The following FLNA variants were observed in gnomAD, a reference collection of about 807,000 sequenced individuals.
FLNA encodes filamin A, also known as filamin-A.
Under a neutral mutation model 157.6 loss-of-function variants are expected in FLNA, and 7 were observed. The ratio of observed to expected loss-of-function variants is 0.04; its 90% CI spans 0.03 to 0.08. The LOEUF (loss-of-function observed/expected upper bound fraction) is 0.08, where lower values mean the gene tolerates loss of function less well. Ranked by LOEUF, FLNA falls within the 10% of genes least tolerant of loss-of-function variation. The pLI is 1.00. For missense variants in FLNA, 1,750 were observed against 2,398.4 expected, an observed-to-expected ratio of 0.73 and a Z score of 5.65; for synonymous variants, 1,103 against 1,060.8, an observed-to-expected ratio of 1.04 and a Z score of -0.77.
At chrX:154,358,066 C>A (rs2067676182) in intron 28 of FLNA, 133 bp downstream of exon 28, 1 of 760,785 alleles carries the variant, frequency 1.3e-6, no homozygotes, top group Admixed American at 2.4e-5. Context: ...CCTTAGCAAA[C>A]CAAAGACAGG....
Position 154,353,384 on chromosome X carries a change from C to T in FLNA, c.5934G>A (p.Thr1978=), listed in dbSNP as rs781836633. ...CAGTGGCCGTCAGCAGGCTGAGATCCGTCTCTGAGATGTTGATGGGGATGT... is the reference window on the plus strand; with the variant it reads ...CAGTGGCCGTCAGCAGGCTGAGATCTGTCTCTGAGATGTTGATGGGGATGT... ...AADIPINISE[T]DLSLLTATVV... The change falls in exon 37 of 48, where the codon ACG becomes ACA. Residue 1978 remains threonine (T), a synonymous_variant. Coordinates refer to ENST00000369850, the MANE Select transcript of FLNA (RefSeq NM_001110556.2). 1.3e-5 allele frequency: 16 copies of T among 1,210,579 alleles called. No homozygotes were observed. The highest frequency in any genetic ancestry group is 2.3e-4 in the Middle Eastern group (1 of 4,356).
In FLNA at chrX:154,366,420, C is replaced by G; in HGVS notation, c.1116G>C (p.Val372=). ...CGTCACCCTGTGACTTATCCACGTA[C>G]ACCTCGAAGGGGCTCTTGGCGATGT... ...GQHIAKSPFE[V]YVDKSQGDAS... The change falls in exon 8 of 48, where the codon GTG becomes GTC. Residue 372 remains valine, a synonymous_variant. Transcript: ENST00000369850. 8.3e-7 allele frequency: 1 copy of G among 1,211,876 alleles called. No individual in the cohort carries two copies. The highest frequency in any genetic ancestry group is 1.1e-6 in the Non-Finnish European group (1 of 895,398).
Position 154,366,056 on chromosome X carries a change from G to T in FLNA, c.1397C>A (p.Pro466His). ...VHVTFAGVPI[P>H]RSPYTVTVGQ... is the part of the protein sequence containing the mutation. Reference sequence around the variant, plus strand: ...AACAGTGACAGTGTAGGGGCTGCGAGGGATGGGCACGCCGGCAAACGTGAC... The same window carrying T: ...AACAGTGACAGTGTAGGGGCTGCGATGGATGGGCACGCCGGCAAACGTGAC... Residue 466 changes from proline to histidine, a missense_variant, in exon 9 of 48, where the codon CCT becomes CAT. Around this residue, in one of 5 missense-constraint regions of FLNA, gnomAD observed 648 missense variants for 805.8 expected, o/e 0.80. Coordinates refer to ENST00000369850, the MANE Select transcript of FLNA (RefSeq NM_001110556.2). 8.3e-7 allele frequency: 1 copy of T among 1,209,104 alleles called. No homozygotes were observed.
chrX:154,354,312 G>A, intron 33 of FLNA, 21 bp from the exon 34 acceptor site: 2 of 1,211,847 alleles, frequency 1.7e-6, no homozygotes, highest in Non-Finnish European at 2.2e-6. Flanking sequence ...GTGGGGCTGA[G>A]GTCAGGGCAG....
At position 154,351,974 on chromosome X, in the gene FLNA, T is replaced by C. The variant is rs1004772663; in HGVS notation, c.6817A>G (p.Ile2273Val). ...TREAGAGGLAIAVEGPSKAEI... is the reference protein window; with the variant it reads ...TREAGAGGLAVAVEGPSKAEI... ...GCCTTGCTGGGGCCCTCGACAGCAA[T>C]GGCCAGGCCTCCAGCACCAGCTTCC... Residue 2273 changes from isoleucine (I) to valine (V), a missense_variant, in exon 42 of 48, where the codon ATT (isoleucine) becomes GTT (valine). Physicochemically the swap from Ile to Val is conservative, Grantham distance 29 (BLOSUM62 3). Around this residue, in one of 5 missense-constraint regions of FLNA, gnomAD observed 970 missense variants for 1,302.6 expected, o/e 0.74. Transcript: ENST00000369850. 2 of 1,211,151 alleles carry C rather than the reference T, an allele frequency of 1.7e-6. No homozygotes were observed. Among genetic ancestry groups the C allele is most frequent in the South Asian group, 1.8e-5 (1 of 57,009 alleles).
rs781935178 is a variant in FLNA, at chrX:154,370,997, C to T, written c.249G>A (p.Val83=). ...TGCGGTGCATCTTCTTCTGGCTGAG[C>T]ACCTCCAACAGCGCGATAAGCCGCA... ...DGLRLIALLE[V]LSQKKMHRKH... The change falls in exon 2 of 48, where the codon GTG becomes GTA. Residue 83 remains valine (V), a synonymous_variant. Transcript: ENST00000369850. 2 of 1,210,250 alleles carry T rather than the reference C, an allele frequency of 1.7e-6. No homozygotes were observed. The highest frequency in any genetic ancestry group is 2.2e-6 in the Non-Finnish European group (2 of 894,708).
chrX:154,351,441 A>G (rs1557175745), intron 43 of FLNA, 140 bp downstream of exon 43: 1 of 472,713 alleles, frequency 2.1e-6, no homozygotes, highest in African/African-American at 2.4e-5. Context: ...CGTGGGCTGC[A>G]CCCGGCCAGA....
At position 154,351,035 on chromosome X, in the gene FLNA, C is replaced by A; in HGVS notation, c.7030G>T (p.Gly2344Trp). 8.3e-7 allele frequency: 1 copy of A among 1,211,702 alleles called. No homozygotes were observed. The highest frequency in any genetic ancestry group is 1.1e-6 in the Non-Finnish European group (1 of 895,368). Reference sequence around the variant, plus strand: ...GAGGCTGGCTGGTTGACCTTTAGCCCTGACTCCTGGAAGCACAGCAGACAT... The same window carrying A: ...GAGGCTGGCTGGTTGACCTTTAGCCATGACTCCTGGAAGCACAGCAGACAT... ...RLTVSSLQES[G>W]LKVNQPASFA... The change falls in exon 44 of 48, where the codon GGG becomes TGG. Residue 2344 changes from glycine (G) to tryptophan (W), a missense_variant. By Grantham distance (184) the Gly-to-Trp change is radical. Around this residue, in one of 5 missense-constraint regions of FLNA, gnomAD observed 970 missense variants for 1,302.6 expected, o/e 0.74. Transcript: ENST00000369850.
rs781885051 is a variant in FLNA at position 154,354,466 on chromosome X, C to T, written c.5331G>A (p.Leu1777=). The change falls in exon 33 of 48, where the codon CTG becomes CTA. Residue 1777 remains leucine, a synonymous_variant. Transcript: ENST00000369850. The part of the protein sequence containing the change: ...GQQTWAPERP[L]VGVNGLDVTS... ...TCACATCCAGCCCATTGACACCCACCAGGGGCCTCTCCGGGGCCTGCAGTG... is the reference window on the plus strand; with the variant it reads ...TCACATCCAGCCCATTGACACCCACTAGGGGCCTCTCCGGGGCCTGCAGTG... The T allele has an allele frequency of 1.2e-5, 14 of 1,211,296 alleles. No homozygotes were observed. Among genetic ancestry groups the T allele is most frequent in the Non-Finnish European group, 1.1e-6 (1 of 895,118 alleles).
intron 15 of FLNA, among the ~76,000 whole-genome samples, chrX:154,363,604 C>T (rs1333935440): frequency 5.5e-5 from 6 of 108,276 alleles, no homozygotes; most frequent in Admixed American, 2.0e-4. Flanking sequence ...TCCCAGCTAC[C>T]CGGGAGGCTG....
chrX:154,350,429 T>C, intron 44 of FLNA: 1 of 440,154 alleles, frequency 2.3e-6, no homozygotes, highest in Non-Finnish European at 4.0e-6. Context: ...GGAAATCTTT[T>C]ACAAGCCAAA....
Position 154,354,644 on chromosome X carries a change from G to A in FLNA, c.5285C>T (p.Thr1762Ile). 8.3e-7 allele frequency: 1 copy of A among 1,206,226 alleles called. No homozygotes were observed. The highest frequency in any genetic ancestry group is 1.1e-6 in the Non-Finnish European group (1 of 892,815). The change falls in exon 32 of 48, where the codon ACC becomes ATC. Residue 1762 changes from threonine to isoleucine, a missense_variant. Thr to Ile is a moderately conservative substitution (Grantham distance 89). Coordinates refer to ENST00000369850, the MANE Select transcript of FLNA (RefSeq NM_001110556.2). ...AGTCTGCTGGCCGCCCTGGGCGTAGGTGTACTGTGGGGCCAGCTGCTGAGA... is the reference window on the plus strand; with the variant it reads ...AGTCTGCTGGCCGCCCTGGGCGTAGATGTACTGTGGGGCCAGCTGCTGAGA... ...LRSQQLAPQY[T>I]YAQGGQQTWA...
At position 154,365,207 on chromosome X, in the gene FLNA, G is replaced by A. The variant is rs782757137; in HGVS notation, c.1620C>T (p.Phe540=). ...QKDLGDGVYG[F]EYYPMVPGTY... ...TTCCAGGGACCATGGGGTAATACTCGAAGCCATACACGCCATCCCCCAGGT... is the reference window on the plus strand; with the variant it reads ...TTCCAGGGACCATGGGGTAATACTCAAAGCCATACACGCCATCCCCCAGGT... The change falls in exon 11 of 48, where the codon TTC becomes TTT. Residue 540 remains phenylalanine, a synonymous_variant. Coordinates refer to ENST00000369850, the MANE Select transcript of FLNA (RefSeq NM_001110556.2). The A allele has an allele frequency of 2.0e-5, 24 of 1,209,993 alleles. No individual in the cohort carries two copies. Among genetic ancestry groups the A allele is most frequent in the Non-Finnish European group, 2.3e-5 (21 of 894,875 alleles).
At chrX:154,370,527 G>C (rs1297871652) in intron 2 of FLNA, among the ~76,000 whole-genome samples, 1 of 112,818 alleles carries the variant, frequency 8.9e-6, no homozygotes, top group African/African-American at 3.2e-5. Flanking sequence ...CCTCCTCGGG[G>C]ACGGGGCGCA....
chrX:154,364,815 A>G lies in FLNA; in HGVS notation c.1828+6T>C. 8.3e-7 allele frequency: 1 copy of G among 1,210,466 alleles called. No homozygotes were observed. The highest frequency in any genetic ancestry group is 1.8e-5 in the South Asian group (1 of 56,943). ...CCAGGTGCCCATGCTGCAGCCTCCAACTTACCCAGCGTGCCCACGTCGTCC... is the reference window on the plus strand; with the variant it reads ...CCAGGTGCCCATGCTGCAGCCTCCAGCTTACCCAGCGTGCCCACGTCGTCC... On this transcript the variant is annotated splice_donor_region_variant and intron_variant, in intron 12 of 47. Coordinates refer to ENST00000369850, the MANE Select transcript of FLNA (RefSeq NM_001110556.2).
At position 154,350,024 on chromosome X, in the gene FLNA, G is replaced by C; in HGVS notation, c.7333+7C>G. ...GTGCACACGTGCAGCCGCACCGACAGACTTACCTGTGACACCGCCTTCCAG... is the reference window on the plus strand; with the variant it reads ...GTGCACACGTGCAGCCGCACCGACACACTTACCTGTGACACCGCCTTCCAG... On this transcript the variant is annotated splice_region_variant and intron_variant, in intron 45 of 47. Transcript: ENST00000369850. The C allele has an allele frequency of 8.3e-7, 1 of 1,210,951 alleles. No individual in the cohort carries two copies. Among genetic ancestry groups the C allele is most frequent in the Non-Finnish European group, 1.1e-6 (1 of 894,886 alleles).
chrX:154,361,562 C>T lies in FLNA; in HGVS notation c.2953G>A (p.Val985Ile), dbSNP rs781884864. 1.7e-5 allele frequency: 20 copies of T among 1,209,750 alleles called. No individual in the cohort carries two copies. The Admixed American group carries it at 2.2e-4, about 13-fold the overall frequency. The change falls in exon 21 of 48, where the codon GTT (valine) becomes ATT (isoleucine). Residue 985 changes from valine (V) to isoleucine (I), a missense_variant. This residue lies in a region of FLNA where 648 missense variants were observed against 805.8 expected (regional missense o/e 0.80). Transcript: ENST00000369850. ...ACTGTGAACTCCTGGTCTTTGCCAA[C>T]GTCCACCTCTGTGGAAACGATGAAA... ...KVSGLGEKVD[V>I]GKDQEFTVKS...
chrX:154,360,078 G>T lies in FLNA; in HGVS notation c.3717C>A (p.Pro1239=). 8.3e-7 allele frequency: 1 copy of T among 1,211,374 alleles called. No homozygotes were observed. Among genetic ancestry groups the T allele is most frequent in the South Asian group, 1.8e-5 (1 of 57,049 alleles). The stretch of plus-strand genomic sequence containing the variant: ...GCAGCTTGCTGGGGAAGTTGGGCAC[G>T]GGCTGGCCGCCGTACTTGATGGTGA... ...YTVTIKYGGQ[P]VPNFPSKLQV... is the part of the protein sequence containing the mutation. The change falls in exon 22 of 48, where the codon CCC becomes CCA. Residue 1239 remains proline (P), a synonymous_variant. Coordinates refer to ENST00000369850, the MANE Select transcript of FLNA (RefSeq NM_001110556.2).
chrX:154,349,249 T>C, intron 47 of FLNA, 113 bp downstream of exon 47: 2 of 870,418 alleles, frequency 2.3e-6, no homozygotes, highest in Non-Finnish European at 3.4e-6. Flanking sequence ...GAGGTGGCTC[T>C]AGAAGTGAAA....
Sources: gnomAD v4.1 joint callset for allele counts (sites outside exome capture counted in the v4.1 genomes callset) on GRCh38, gnomAD v4.1.1 for gene constraint, gnomAD v4.1.1 regional missense constraint, MANE v1.5 for transcripts, NCBI Gene and HGNC (gene_info 2026-07-23, HGNC 2026-07-21) for gene names.